DMD: variants seen among roughly 807,000 people sequenced by gnomAD.
The protein encoded by DMD is mutant dystrophin.
Under a neutral mutation model 330.1 loss-of-function variants are expected in DMD, and 63 were observed. The observed-to-expected ratio is 0.19, with a 90% CI of 0.16 to 0.24. The LOEUF (loss-of-function observed/expected upper bound fraction) is 0.24, where lower values mean the gene tolerates loss of function less well. Among genes scored for constraint, DMD ranks in the 10% least tolerant of loss-of-function variants. The probability of loss-of-function intolerance (pLI) is 1.00; values close to 1 mark genes in which losing one functional copy is unlikely to be tolerated. For missense variants in DMD, 3,344 were observed against 2,684.1 expected, an observed-to-expected ratio of 1.25 and a Z score of -5.43; for synonymous variants, 1,223 against 959.8, an observed-to-expected ratio of 1.27 and a Z score of -5.07.
intron 1 of DMD, among the ~76,000 whole-genome samples, chrX:33,055,227 G>T (rs1189687277): frequency 9.0e-6 from 1 of 111,520 alleles, no homozygotes; most frequent in African/African-American, 3.3e-5. Context: ...AGGAAGGACC[G>T]ATCAACAATC....
At chrX:32,678,481 C>T (rs772146370) in intron 9 of DMD, among the ~76,000 whole-genome samples, 1 of 109,660 alleles carries the variant, frequency 9.1e-6, no homozygotes, top group African/African-American at 3.4e-5. Context: ...GACTGATTAG[C>T]AACTGTGTTT....
intron 44 of DMD, among the ~76,000 whole-genome samples, chrX:32,193,985 TGAA>T (rs34040350): frequency 0.034 from 3,814 of 111,666 alleles, 113 homozygotes; most frequent in East Asian, 0.23. Flanking sequence ...TACAGAGCTG[TGAA>T]GAAGTTGAAA....
At chrX:32,478,079 T>A (rs766134727) in intron 21 of DMD, among the ~76,000 whole-genome samples, 2 of 112,081 alleles carry the variant, frequency 1.8e-5, no homozygotes, top group East Asian at 2.8e-4. Context: ...TCACATTATT[T>A]TTCTGTTGGA....
intron 43 of DMD, among the ~76,000 whole-genome samples, chrX:32,279,279 C>T (rs1186072856): frequency 9.0e-6 from 1 of 111,097 alleles, no homozygotes; most frequent in Non-Finnish European, 1.9e-5. Flanking sequence ...AAAAACAGGG[C>T]TACCATATGA....
rs1023510992 is a variant in DMD at position 32,728,765 on chromosome X, G to T, written c.650-29472C>A. Among the ~76,000 whole-genome samples, 6 of 111,760 alleles carry T rather than the reference G, an allele frequency of 5.4e-5. No homozygotes were observed. The Admixed American group carries it at 5.7e-4, about 11-fold the overall frequency. On this transcript the variant is annotated intron_variant, in intron 7 of 78. Transcript: ENST00000357033. ...TATTTTTTTGAATCTCTTGGCTTCAGTGAGAACTTCCTGTTGGATTTATTC... is the reference window on the plus strand; with the variant it reads ...TATTTTTTTGAATCTCTTGGCTTCATTGAGAACTTCCTGTTGGATTTATTC...
chrX:32,226,545 C>T (rs141394255), intron 43 of DMD, among the ~76,000 whole-genome samples: 2 of 111,528 alleles, frequency 1.8e-5, no homozygotes, highest in Non-Finnish European at 3.8e-5. Flanking sequence ...TGGTACTAAG[C>T]GCTGTTCCTG....
chrX:31,728,268 G>A (rs1349975177), intron 52 of DMD, among the ~76,000 whole-genome samples: 3 of 111,477 alleles, frequency 2.7e-5, no homozygotes, highest in Admixed American at 9.5e-5. Context: ...CTCGTGATCC[G>A]CCCGCCTCGG....
Position 31,771,497 on chromosome X carries a change from T to C in DMD, c.7542+2463A>G, listed in dbSNP as rs61503561. Among the ~76,000 whole-genome samples, 323 of 108,719 alleles carry C rather than the reference T, an allele frequency of 3.0e-3. 1 individual carries two copies. The highest frequency in any genetic ancestry group is 0.01 in the African/African-American group (305 of 30,214). 94.4% of individuals were successfully genotyped at this position (108,719 alleles called of 115,157 possible). ...GTGTCTCAGAAATGGCTTTTGATTT[T>C]TCCCCCTAAATTTTTTTTTTTCTGA... On this transcript the variant is annotated intron_variant, in intron 51 of 78. Transcript: ENST00000357033.
chrX:31,889,751 G>C (rs1048184686), intron 47 of DMD, among the ~76,000 whole-genome samples: 1 of 104,598 alleles, frequency 9.6e-6, no homozygotes, highest in African/African-American at 3.5e-5. Flanking sequence ...CCTCCCAGCC[G>C]TACTCTAAAC....
chrX:31,700,341 T>C (rs749288887), intron 52 of DMD, among the ~76,000 whole-genome samples: 1 of 112,101 alleles, frequency 8.9e-6, no homozygotes, highest in Admixed American at 9.4e-5. Flanking sequence ...CGAGTGGAAA[T>C]GGCAAAACGT....
At chrX:32,977,067 G>A (rs993960228) in intron 2 of DMD, among the ~76,000 whole-genome samples, 2 of 111,345 alleles carry the variant, frequency 1.8e-5, no homozygotes, top group African/African-American at 6.5e-5. Context: ...AAGGTGGGGC[G>A]GATCGCTTGA....
At chrX:31,638,049 T>C (rs1337732450) in intron 54 of DMD, among the ~76,000 whole-genome samples, 1 of 111,975 alleles carries the variant, frequency 8.9e-6, no homozygotes, top group African/African-American at 3.2e-5. Context: ...TGAGTTTCTG[T>C]TACTCTTCCA....
chrX:32,211,982 G>A (rs1288300604), intron 44 of DMD, among the ~76,000 whole-genome samples: 2 of 111,970 alleles, frequency 1.8e-5, no homozygotes, highest in Non-Finnish European at 3.8e-5. Flanking sequence ...AGCTTTAAAT[G>A]TTAGGGCATT....
At chrX:32,259,519 A>G (rs1008936451) in intron 43 of DMD, among the ~76,000 whole-genome samples, 4 of 108,866 alleles carry the variant, frequency 3.7e-5, no homozygotes, top group African/African-American at 1.3e-4. Flanking sequence ...TGGTATATTT[A>G]CTTTGTACTA....
intron 63 of DMD, among the ~76,000 whole-genome samples, chrX:31,242,429 T>C (rs1162282548): frequency 9.1e-6 from 1 of 110,396 alleles, no homozygotes; most frequent in Non-Finnish European, 1.9e-5. Flanking sequence ...ACAAAATTTC[T>C]TCCTAGAACA....
At chrX:31,827,187 T>C (rs939706666) in intron 49 of DMD, among the ~76,000 whole-genome samples, 8 of 111,983 alleles carry the variant, frequency 7.1e-5, no homozygotes, top group Non-Finnish European at 1.5e-4. Flanking sequence ...TATTATATGC[T>C]TGTATCAAAA....
At chrX:31,125,872 C>G (rs769247671) in intron 78 of DMD, among the ~76,000 whole-genome samples, 1 of 111,489 alleles carries the variant, frequency 9.0e-6, no homozygotes, top group Admixed American at 9.5e-5. Context: ...CTTCAAATAC[C>G]AAATAAAAAA....
chrX:32,290,237 C>A (rs905857438), intron 42 of DMD, among the ~76,000 whole-genome samples: 4 of 112,460 alleles, frequency 3.6e-5, no homozygotes, highest in African/African-American at 1.3e-4. Flanking sequence ...GCCTTCTCTA[C>A]TACTCTATTT....
chrX:31,704,110 A>T (rs1321269600), intron 52 of DMD, among the ~76,000 whole-genome samples: 1 of 112,235 alleles, frequency 8.9e-6, no homozygotes, highest in Non-Finnish European at 1.9e-5. Flanking sequence ...TTCAAGTAAC[A>T]AAACAGCTTA....
Sources: allele counts gnomAD v4.1 joint callset (sites outside exome capture counted in the v4.1 genomes callset), GRCh38; gene constraint gnomAD v4.1.1; transcripts MANE v1.5; gene names NCBI Gene and HGNC (gene_info 2026-07-23, HGNC 2026-07-21).